The following TUNAR variants were observed in gnomAD, a reference collection of about 807,000 sequenced individuals.
TUNAR encodes the protein transmembrane neural differentiation associated intracellular calcium regulator, also known as protein TUNAR.
At chr14:95,877,137 T>TGCCCCGCGC (rs1795212887) in exon 2 of TUNAR, 1 of 152,204 alleles carries the variant, frequency 6.6e-6, no homozygotes, top group Non-Finnish European at 1.5e-5. Context: ...CTCTGCTGCG[T>TGCCCCGCGC]GCCCCGCGCG....
chr14:95,891,643 A>G (rs1231823503), intron 2 of TUNAR, among the ~76,000 whole-genome samples: 1 of 152,228 alleles, frequency 6.6e-6, no homozygotes, highest in African/African-American at 2.4e-5. Flanking sequence ...CTACACATGC[A>G]GTTGGGAAGC....
intron 2 of TUNAR, among the ~76,000 whole-genome samples, chr14:95,883,799 A>G (rs903933720): frequency 6.6e-6 from 1 of 152,106 alleles, no homozygotes; most frequent in African/African-American, 2.4e-5. Context: ...TCCAAGTGTG[A>G]TCCAGGGACC....
chr14:95,902,584 C>G (rs555630817), intron 2 of TUNAR, among the ~76,000 whole-genome samples: 1 of 152,188 alleles, frequency 6.6e-6, no homozygotes, highest in Admixed American at 6.5e-5. Flanking sequence ...ATCGCACTTA[C>G]GGGAGCTGTT....
chr14:95,886,001 C>T (rs1889070122), intron 2 of TUNAR, among the ~76,000 whole-genome samples: 2 of 152,180 alleles, frequency 1.3e-5, no homozygotes, highest in Non-Finnish European at 2.9e-5. Flanking sequence ...GGAAGGAAAG[C>T]AAGGTAGCCG....
At chr14:95,917,033 A>G (rs974057440) in intron 2 of TUNAR, among the ~76,000 whole-genome samples, 1 of 152,022 alleles carries the variant, frequency 6.6e-6, no homozygotes. Flanking sequence ...TTCACTTTTG[A>G]TGATATTTTA....
chr14:95,909,678 GCACT>G (rs1889482470), intron 2 of TUNAR, among the ~76,000 whole-genome samples: 1 of 152,178 alleles, frequency 6.6e-6, no homozygotes, highest in Non-Finnish European at 1.5e-5. Context: ...GCCAATGCAT[GCACT>G]CACTCTCAGT....
intron 2 of TUNAR, among the ~76,000 whole-genome samples, chr14:95,894,970 C>T (rs1209339545): frequency 1.3e-5 from 2 of 152,182 alleles, no homozygotes; most frequent in Non-Finnish European, 2.9e-5. Flanking sequence ...CCCAGCCACA[C>T]GTTCCTGCTG....
intron 2 of TUNAR, among the ~76,000 whole-genome samples, chr14:95,908,892 A>G (rs187618662): frequency 1.9e-3 from 295 of 152,180 alleles, no homozygotes; most frequent in Non-Finnish European, 2.5e-3. Context: ...TGGGAATTGG[A>G]GGTAGAGTAG....
chr14:95,920,932 A>T (rs911467359), intron 2 of TUNAR, among the ~76,000 whole-genome samples: 1 of 152,192 alleles, frequency 6.6e-6, no homozygotes, highest in Non-Finnish European at 1.5e-5. Context: ...GATCCGCAGG[A>T]TGAGTCAGCA....
At chr14:95,885,460 G>C (rs1389841843) in intron 2 of TUNAR, among the ~76,000 whole-genome samples, 3 of 152,216 alleles carry the variant, frequency 2.0e-5, no homozygotes, top group Admixed American at 6.5e-5. Flanking sequence ...TTGGCCGGGG[G>C]AGGGTGGAGG....
intron 2 of TUNAR, among the ~76,000 whole-genome samples, chr14:95,888,745 T>A (rs1490245888): frequency 6.6e-6 from 1 of 152,132 alleles, no homozygotes; most frequent in African/African-American, 2.4e-5. Flanking sequence ...AGAAGTCACA[T>A]AGTATCACTT....
intron 2 of TUNAR, among the ~76,000 whole-genome samples, chr14:95,913,287 G>C (rs1889548108): frequency 6.6e-6 from 1 of 151,960 alleles, no homozygotes; most frequent in Non-Finnish European, 1.5e-5. Context: ...CGCATGCATT[G>C]GGTATTTGTC....
chr14:95,900,103 T>G (rs1889327483), intron 2 of TUNAR, among the ~76,000 whole-genome samples: 1 of 152,188 alleles, frequency 6.6e-6, no homozygotes, highest in African/African-American at 2.4e-5. Flanking sequence ...TTTATTCCTT[T>G]TTTTCCCCCA....
exon 2 of TUNAR, chr14:95,877,176 C>T (rs1888901282): frequency 6.6e-6 from 1 of 152,304 alleles, no homozygotes; most frequent in South Asian, 2.1e-4. Context: ...ATGCGCTTCT[C>T]GGTAAGCCAG....
At chr14:95,919,577 G>T (rs897103565) in intron 2 of TUNAR, among the ~76,000 whole-genome samples, 4 of 152,084 alleles carry the variant, frequency 2.6e-5, no homozygotes, top group Non-Finnish European at 4.4e-5. Flanking sequence ...GCTGGGCGTG[G>T]TGGTGCACGC....
At chr14:95,898,493 T>C (rs774973951) in intron 2 of TUNAR, among the ~76,000 whole-genome samples, 4 of 152,264 alleles carry the variant, frequency 2.6e-5, no homozygotes, top group Non-Finnish European at 5.9e-5. Context: ...TCTCCATATC[T>C]GAGCCTCTTA....
chr14:95,904,552 C>A lies in TUNAR; in HGVS notation c.13-18229C>A, dbSNP rs185370560. On this transcript the variant is annotated intron_variant, in intron 2 of 2. Coordinates refer to ENST00000678517, the Ensembl canonical transcript of TUNAR. The stretch of plus-strand genomic sequence containing the variant: ...AACAGCCCAGGCCAGGGTCACCAAG[C>A]AGCTTCCTGGGACAAGAGCTCAGCC... Among the ~76,000 whole-genome samples the A allele has an allele frequency of 1.6e-3, 251 of 152,334 alleles. 1 individual carries two copies. The highest frequency in any genetic ancestry group is 0.01 in the Middle Eastern group (3 of 294).
chr14:95,881,683 G>T (rs1008731913), intron 2 of TUNAR, among the ~76,000 whole-genome samples: 3 of 152,176 alleles, frequency 2.0e-5, no homozygotes, highest in Non-Finnish European at 2.9e-5. Flanking sequence ...AGCTGATGTT[G>T]GGGACGGCCT....
chr14:95,889,799 C>T (rs1029964635), intron 2 of TUNAR, among the ~76,000 whole-genome samples: 1 of 152,118 alleles, frequency 6.6e-6, no homozygotes, highest in Non-Finnish European at 1.5e-5. Context: ...GGTGGCAGTG[C>T]AGAGATGGCT....
Sources: gnomAD v4.1 joint callset for allele counts (sites outside exome capture counted in the v4.1 genomes callset) on GRCh38, gnomAD v4.1.1 for gene constraint, MANE v1.5 for transcripts, NCBI Gene and HGNC (gene_info 2026-07-23, HGNC 2026-07-21) for gene names.